The following DGKG variants were observed in gnomAD, a reference collection of about 807,000 sequenced individuals.
The protein encoded by DGKG is diacylglycerol kinase gamma.
In DGKG, 78 loss-of-function variants were observed where a neutral mutation model predicts 105.3. The observed-to-expected ratio is 0.74, with a 90% CI of 0.62 to 0.89. DGKG has a LOEUF of 0.89. DGKG is among the 40% of genes least tolerant of loss of function. DGKG has a pLI of 0.00. For missense variants in DGKG, 958 were observed against 1,020.1 expected (o/e 0.94, Z 0.83); for synonymous variants, 346 against 367.1 (o/e 0.94, Z 0.66).
intron 24 of DGKG, chr3:186,159,724 G>C (rs1716197387): frequency 6.6e-6 from 1 of 152,136 alleles, no homozygotes; most frequent in Non-Finnish European, 1.5e-5. Context: ...ATGATTTTCT[G>C]TTACCTTCTG....
At chr3:186,207,470 C>T in intron 21 of DGKG, 1 of 985,452 alleles carries the variant, frequency 1.0e-6, no homozygotes, top group Non-Finnish European at 1.2e-6. Context: ...GATTATGACA[C>T]CTGCCACTTA....
chr3:186,224,560 G>C (rs938151652), intron 20 of DGKG, among the ~76,000 whole-genome samples: 1 of 152,194 alleles, frequency 6.6e-6, no homozygotes, highest in African/African-American at 2.4e-5. Flanking sequence ...GGTCTCAAGA[G>C]GCTCTGGGGT....
At chr3:186,297,565 AC>A (rs1462672843) in intron 4 of DGKG, 82 bp from the exon 5 acceptor site, 8 of 984,718 alleles carry the variant, frequency 8.1e-6, no homozygotes, top group Middle Eastern at 4.2e-4. Context: ...TCCCCATGGG[AC>A]CTGGTTTGCC....
intron 20 of DGKG, among the ~76,000 whole-genome samples, chr3:186,220,620 C>T (rs964015576): frequency 2.0e-5 from 3 of 152,180 alleles, no homozygotes; most frequent in Admixed American, 6.5e-5. Context: ...ACCACATGCG[C>T]CACCGGTATG....
chr3:186,209,608 AAG>A (rs1718927747), intron 21 of DGKG, among the ~76,000 whole-genome samples: 6 of 151,984 alleles, frequency 3.9e-5, no homozygotes, highest in Admixed American at 3.9e-4. Flanking sequence ...CTGGTTCTCA[AAG>A]GCCTGGCCTG....
chr3:186,241,851 G>A (rs950129074), intron 20 of DGKG, among the ~76,000 whole-genome samples: 6 of 152,216 alleles, frequency 3.9e-5, no homozygotes, highest in Admixed American at 3.3e-4. Context: ...CTACAAGGAA[G>A]AAGGGTTTGC....
intron 21 of DGKG, 81 bp from the exon 22 acceptor site, chr3:186,188,460 G>A: frequency 7.3e-6 from 2 of 273,818 alleles, no homozygotes; most frequent in African/African-American, 3.8e-5. Flanking sequence ...GTGCGTGCGT[G>A]TGTGTGTGTG....
chr3:186,324,274 A>G (rs925373791), intron 1 of DGKG, among the ~76,000 whole-genome samples: 1 of 152,102 alleles, frequency 6.6e-6, no homozygotes, highest in Middle Eastern at 3.2e-3. Flanking sequence ...CTTCTGAGCT[A>G]TTTCACCCTA....
chr3:186,265,980 CT>C (rs1406242074), intron 13 of DGKG, among the ~76,000 whole-genome samples: 8 of 152,042 alleles, frequency 5.3e-5, no homozygotes, highest in African/African-American at 1.9e-4. Flanking sequence ...GTCGACTTGG[CT>C]TTTCGGCTGA....
chr3:186,223,748 A>G (rs1719716036), intron 20 of DGKG, among the ~76,000 whole-genome samples: 1 of 152,090 alleles, frequency 6.6e-6, no homozygotes, highest in Non-Finnish European at 1.5e-5. Flanking sequence ...CTTTGCTTCC[A>G]CTCTGACGTT....
At chr3:186,261,978 C>T (rs554312609) in intron 14 of DGKG, 200 bp from the exon 15 acceptor site, 61 of 498,222 alleles carry the variant, frequency 1.2e-4, no homozygotes, top group Admixed American at 8.1e-4. Context: ...GTAGTGTTAA[C>T]GGAAATGAGG....
At position 186,313,459 on chromosome 3, in the gene DGKG, A is replaced by T. The variant is rs980978789; in HGVS notation, c.68-6482T>A. ...TTGTGTAAGTAAAATTTGTATTGCT[A>T]GAACATTTTCTCACCTTTTCTCCAA... is the stretch of plus-strand genomic sequence containing the variant. On this transcript the variant is annotated intron_variant, in intron 2 of 24. Transcript: ENST00000265022. 9.2e-6 allele frequency: 9 copies of T among 973,100 alleles called. No homozygotes were observed. The African/African-American group carries it at 1.6e-4, about 17-fold the overall frequency. The allele number at this position is 973,100 out of a possible 1,614,324, so 60.3% of individuals were successfully genotyped here.
In DGKG at chr3:186,147,745, A is replaced by C; in HGVS notation, c.*2345T>G. 2.0e-6 allele frequency: 2 copies of C among 985,382 alleles called. No individual in the cohort carries two copies. The highest frequency in any genetic ancestry group is 2.4e-6 in the Non-Finnish European group (2 of 829,912). 61.0% of individuals were successfully genotyped at this position (985,382 alleles called of 1,614,324 possible). On this transcript the variant is annotated 3_prime_UTR_variant, in exon 25 of 25. Transcript: ENST00000265022. Reference sequence around the variant, plus strand: ...TGTCTCAATAGCCTCAATCTTGGGGATCATGGCTGAAACACATGCACGAAC... The same window carrying C: ...TGTCTCAATAGCCTCAATCTTGGGGCTCATGGCTGAAACACATGCACGAAC...
intron 1 of DGKG, among the ~76,000 whole-genome samples, chr3:186,329,119 G>A (rs1339989447): frequency 6.6e-6 from 1 of 152,000 alleles, no homozygotes; most frequent in African/African-American, 2.4e-5. Context: ...ACCACCCCAA[G>A]CATCTTTTCT....
At chr3:186,269,009 G>C (rs1047885541) in intron 11 of DGKG, 92 bp from the exon 12 acceptor site, 5 of 852,278 alleles carry the variant, frequency 5.9e-6, no homozygotes, top group African/African-American at 5.0e-5. Context: ...GAGGGGACGC[G>C]GGGGAGCCAG....
chr3:186,176,031 G>T (rs758601214), intron 22 of DGKG, among the ~76,000 whole-genome samples: 7 of 152,150 alleles, frequency 4.6e-5, no homozygotes, highest in African/African-American at 1.2e-4. Context: ...TTGAAAGGAC[G>T]CAAGGCAGAG....
At chr3:186,164,454 A>C (rs1162174253) in intron 23 of DGKG, among the ~76,000 whole-genome samples, 1 of 152,232 alleles carries the variant, frequency 6.6e-6, no homozygotes, top group African/African-American at 2.4e-5. Context: ...TTAGCATACA[A>C]AGGTGTATAG....
intron 20 of DGKG, among the ~76,000 whole-genome samples, chr3:186,213,018 C>T (rs959134853): frequency 6.6e-6 from 1 of 152,164 alleles, no homozygotes; most frequent in African/African-American, 2.4e-5. Flanking sequence ...ATAATAGACA[C>T]AACTCTTTTC....
intron 20 of DGKG, among the ~76,000 whole-genome samples, chr3:186,241,548 A>G (rs1286621492): frequency 6.7e-6 from 1 of 149,258 alleles, no homozygotes; most frequent in Non-Finnish European, 1.5e-5. Context: ...GTGAGATTCC[A>G]TCTCAAAAAT....
Sources: gnomAD v4.1 joint callset for allele counts (sites outside exome capture counted in the v4.1 genomes callset) on GRCh38, gnomAD v4.1.1 for gene constraint, MANE v1.5 for transcripts, NCBI Gene and HGNC (gene_info 2026-07-23, HGNC 2026-07-21) for gene names.